Variants in USP8 observed in about 807,000 individuals in gnomAD.
The protein encoded by USP8 is ubiquitin specific peptidase 8, also known as ubiquitin carboxyl-terminal hydrolase 8.
A neutral mutation model predicts 130.0 loss-of-function variants in USP8; 27 were observed. That is an observed-to-expected ratio of 0.21 (90% CI 0.15 to 0.29). USP8 has a LOEUF of 0.29. USP8 is among the 10% of genes least tolerant of loss of function. USP8 has a pLI of 1.00. For synonymous variants in USP8, 392 were observed against 444.1 expected (o/e 0.88, Z 1.48); for missense variants, 1,029 against 1,312.2 (o/e 0.78, Z 3.33).
At chr15:50,450,616 C>G (rs2050601173) in intron 4 of USP8, among the ~76,000 whole-genome samples, 1 of 151,872 alleles carries the variant, frequency 6.6e-6, no homozygotes, top group Admixed American at 6.6e-5. Flanking sequence ...GTATTACAGG[C>G]ATGTGCCACC....
At chr15:50,425,472 A>C (rs1350373644) in intron 1 of USP8, among the ~76,000 whole-genome samples, 1 of 152,238 alleles carries the variant, frequency 6.6e-6, no homozygotes, top group Non-Finnish European at 1.5e-5. Flanking sequence ...TCGTTGGTGA[A>C]TGTCATTCAT....
intron 1 of USP8, among the ~76,000 whole-genome samples, chr15:50,427,894 G>A (rs2049796694): frequency 6.6e-6 from 1 of 150,808 alleles, no homozygotes; most frequent in Non-Finnish European, 1.5e-5. Context: ...GTCTTGCTCT[G>A]TCACCCAGGC....
At chr15:50,430,409 A>G (rs1036215767) in intron 1 of USP8, among the ~76,000 whole-genome samples, 28 of 152,118 alleles carry the variant, frequency 1.8e-4, no homozygotes, top group Admixed American at 9.8e-4. Flanking sequence ...TGGCATTCTA[A>G]GACTCCCCCA....
At chr15:50,437,444 T>A (rs1011649928) in intron 1 of USP8, among the ~76,000 whole-genome samples, 1 of 152,234 alleles carries the variant, frequency 6.6e-6, no homozygotes, top group African/African-American at 2.4e-5. Flanking sequence ...ATTACACATA[T>A]TCTTGGTTTT....
At chr15:50,446,762 C>G (rs2050455858) in intron 3 of USP8, among the ~76,000 whole-genome samples, 3 of 152,282 alleles carry the variant, frequency 2.0e-5, no homozygotes, top group East Asian at 3.9e-4. Context: ...CATATGATAA[C>G]TCTTATCAAC....
intron 5 of USP8, among the ~76,000 whole-genome samples, chr15:50,459,856 T>C: frequency 6.6e-6 from 1 of 152,224 alleles, no homozygotes; most frequent in East Asian, 1.9e-4. Flanking sequence ...TTAAGTTTCT[T>C]CTTTCTAATC....
intron 14 of USP8, among the ~76,000 whole-genome samples, chr15:50,491,616 A>G (rs749761835): frequency 6.6e-6 from 1 of 152,204 alleles, no homozygotes; most frequent in African/African-American, 2.4e-5. Context: ...TGTTCTCAGT[A>G]TTACTTTTAG....
intron 14 of USP8, among the ~76,000 whole-genome samples, chr15:50,491,671 A>G (rs2052173949): frequency 6.6e-6 from 1 of 152,094 alleles, no homozygotes; most frequent in Non-Finnish European, 1.5e-5. Flanking sequence ...AAAAAGACCT[A>G]TCAGTTAAGA....
intron 16 of USP8, among the ~76,000 whole-genome samples, chr15:50,495,516 G>A (rs1454011791): frequency 1.3e-5 from 2 of 150,254 alleles, no homozygotes; most frequent in Admixed American, 1.3e-4. Flanking sequence ...TGCACAAGTT[G>A]GTCTCGAACT....
intron 5 of USP8, among the ~76,000 whole-genome samples, chr15:50,461,581 A>G (rs955382115): frequency 1.3e-5 from 2 of 151,710 alleles, no homozygotes; most frequent in African/African-American, 4.8e-5. Flanking sequence ...TAGGCCGGGC[A>G]CAGCGGCTCA....
intron 16 of USP8, among the ~76,000 whole-genome samples, chr15:50,495,485 G>GGT (rs2052358045): frequency 1.0e-5 from 1 of 98,660 alleles, no homozygotes; most frequent in Non-Finnish European, 2.3e-5. Flanking sequence ...GTAGAGATTG[G>GGT]AGGGGGGGGT....
intron 3 of USP8, among the ~76,000 whole-genome samples, chr15:50,448,424 T>C (rs1192022515): frequency 6.6e-6 from 1 of 152,184 alleles, no homozygotes; most frequent in Non-Finnish European, 1.5e-5. Context: ...ATTGACCTCT[T>C]GGAGTAGTGA....
Position 50,497,076 on chromosome 15 carries a change from T to G in USP8, c.2896-13T>G. ...GAATTAACGAGTATCTGCTACTTGT[T>G]TTTTTCTGCCAGGATTGCCTTAGAT... On this transcript the variant is annotated splice_polypyrimidine_tract_variant and intron_variant, in intron 17 of 19. Coordinates refer to ENST00000307179, the MANE Select transcript of USP8 (RefSeq NM_005154.5). The G allele has an allele frequency of 6.3e-7, 1 of 1,586,702 alleles. No homozygotes were observed.
Position 50,481,781 on chromosome 15 carries a change from C to T in USP8, c.1519C>T (p.Gln507Ter). ...ACAAGAACAAAAAGCCAAAAAGAAACAAGAAGCTGAAGAAAATGAAATTAC... is the reference window on the plus strand; with the variant it reads ...ACAAGAACAAAAAGCCAAAAAGAAATAAGAAGCTGAAGAAAATGAAATTAC... ...EEQEQKAKKK[Q>*]EAEENEITEK... Residue 507 changes from glutamine to a stop codon, truncating the protein, a stop_gained, in exon 11 of 20, where the codon CAA becomes TAA. Coordinates refer to ENST00000307179, the MANE Select transcript of USP8 (RefSeq NM_005154.5). LOFTEE classifies it high-confidence loss of function. 6.4e-7 allele frequency: 1 copy of T among 1,553,178 alleles called. No homozygotes were observed. Among genetic ancestry groups the T allele is most frequent in the Non-Finnish European group, 8.7e-7 (1 of 1,154,064 alleles).
At chr15:50,477,252 AC>A (rs2051597551) in intron 9 of USP8, 23 bp from the exon 10 acceptor site, 1 of 1,596,646 alleles carries the variant, frequency 6.3e-7, no homozygotes, top group East Asian at 2.2e-5. Flanking sequence ...ATTCTAAAAA[AC>A]ATTTTTATTT....
intron 7 of USP8, among the ~76,000 whole-genome samples, chr15:50,467,749 G>A (rs923712777): frequency 2.0e-4 from 31 of 151,534 alleles, no homozygotes; most frequent in African/African-American, 7.5e-4. Flanking sequence ...TAGAGACGGG[G>A]TTTTGCCACA....
chr15:50,427,291 T>C (rs1329745783), intron 1 of USP8, among the ~76,000 whole-genome samples: 1 of 152,194 alleles, frequency 6.6e-6, no homozygotes, highest in African/African-American at 2.4e-5. Context: ...ATTACAGTTT[T>C]CAAAGCATGT....
At chr15:50,473,022 A>G (rs1324581766) in intron 8 of USP8, among the ~76,000 whole-genome samples, 1 of 152,220 alleles carries the variant, frequency 6.6e-6, no homozygotes, top group African/African-American at 2.4e-5. Context: ...AATAAGAAAA[A>G]TACTTAAGAT....
intron 15 of USP8, chr15:50,493,664 G>A (rs1233100575): frequency 5.4e-6 from 2 of 372,750 alleles, no homozygotes; most frequent in African/African-American, 4.2e-5. Context: ...AGGATCACCT[G>A]AGCCCAGAAG....
Sources: allele counts gnomAD v4.1 joint callset (sites outside exome capture counted in the v4.1 genomes callset), GRCh38; gene constraint gnomAD v4.1.1; transcripts MANE v1.5; gene names NCBI Gene and HGNC (gene_info 2026-07-23, HGNC 2026-07-21).